PGLYRP3: variants seen among roughly 807,000 people sequenced by gnomAD.
PGLYRP3 encodes the protein peptidoglycan recognition protein I alpha.
Under a neutral mutation model 36.0 loss-of-function variants are expected in PGLYRP3, and 39 were observed. The ratio of observed to expected loss-of-function variants is 1.08; its 90% CI spans 0.84 to 1.41. The LOEUF is 1.41. Ranked by LOEUF, PGLYRP3 falls within the 40% of genes most tolerant of loss-of-function variation. The pLI, the probability that PGLYRP3 is intolerant of heterozygous loss-of-function variation, is 0.00. For synonymous variants in PGLYRP3, 204 were observed against 172.8 expected (o/e 1.18, Z -1.42); for missense variants, 407 against 427.9 (o/e 0.95, Z 0.43).
At chr1:153,299,409 G>A (rs1056067710) in intron 6 of PGLYRP3, among the ~76,000 whole-genome samples, 178 bp from the exon 7 acceptor site, 1 of 152,106 alleles carries the variant, frequency 6.6e-6, no homozygotes, top group Admixed American at 6.5e-5. Context: ...AAATACCACA[G>A]TCCACTTCAA....
intron 6 of PGLYRP3, among the ~76,000 whole-genome samples, chr1:153,300,251 T>A (rs1419104310): frequency 6.6e-6 from 1 of 152,098 alleles, no homozygotes; most frequent in African/African-American, 2.4e-5. Context: ...TCCTCCTTCT[T>A]TGCCTGAATA....
chr1:153,306,168 C>A (rs1375460530), intron 3 of PGLYRP3, among the ~76,000 whole-genome samples: 1 of 152,096 alleles, frequency 6.6e-6, no homozygotes, highest in Non-Finnish European at 1.5e-5. Context: ...AAACCAGGGC[C>A]TGCAGCTGCT....
At position 153,307,595 on chromosome 1, in the gene PGLYRP3, G is replaced by A. The variant is rs144977339; in HGVS notation, c.56-328C>T. Among the ~76,000 whole-genome samples the A allele has an allele frequency of 1.8e-3, 281 of 152,094 alleles. 9 individuals are homozygous for A. In the East Asian group the frequency reaches 0.042, roughly 23 times the overall value. ...TTCAGAAAGCACCCCAGCCAACCCCGCCGCCCACCCTGGGGCTCTGAGCTG... is the reference window on the plus strand; with the variant it reads ...TTCAGAAAGCACCCCAGCCAACCCCACCGCCCACCCTGGGGCTCTGAGCTG... On this transcript the variant is annotated intron_variant, in intron 2 of 7. Transcript: ENST00000683862.
intron 5 of PGLYRP3, among the ~76,000 whole-genome samples, chr1:153,303,145 C>T (rs1439274997): frequency 6.6e-6 from 1 of 152,080 alleles, no homozygotes; most frequent in African/African-American, 2.4e-5. Context: ...ATCATTGATC[C>T]CAAGAAAAGG....
rs1284975195 is a variant in PGLYRP3 at position 153,305,084 on chromosome 1, T to C, written c.258-19A>G. On this transcript the variant is annotated intron_variant, in intron 3 of 7. Transcript: ENST00000683862. ...CAGGAAGCTGACAAGAAGGAAATAATGATTTTACTGCAAATCTCCATAAAT... is the reference window on the plus strand; with the variant it reads ...CAGGAAGCTGACAAGAAGGAAATAACGATTTTACTGCAAATCTCCATAAAT... The C allele has an allele frequency of 6.3e-7, 1 of 1,587,626 alleles. No homozygotes were observed. The highest frequency in any genetic ancestry group is 8.6e-7 in the Non-Finnish European group (1 of 1,162,332).
In PGLYRP3 at chr1:153,307,239, C is replaced by T. The variant is rs1239979056; in HGVS notation, c.84G>A (p.Glu28=). The T allele has an allele frequency of 6.2e-7, 1 of 1,608,426 alleles. No individual in the cohort carries two copies. ...TGCAGGCGAGCGGTCTTGCCCCCCA[C>T]TCCTTGCGGGAGACGATGGTGGGAG... ...WDTPTIVSRK[E]WGARPLACRA... The change falls in exon 3 of 8, where the codon GAG becomes GAA. Residue 28 remains glutamate (E), a synonymous_variant. Coordinates refer to ENST00000683862, the MANE Select transcript of PGLYRP3 (RefSeq NM_052891.3).
At position 153,308,922 on chromosome 1, in the gene PGLYRP3, G is replaced by A. The variant is rs757539495; in HGVS notation, c.56-1655C>T. The stretch of plus-strand genomic sequence containing the variant: ...GCAGTGCCACCTTTCCTGGTTCACC[G>A]GCAGACCTACTAATCAAACCGTCGG... On this transcript the variant is annotated intron_variant, in intron 2 of 7. Transcript: ENST00000683862. Among the ~76,000 whole-genome samples the A allele has an allele frequency of 1.1e-3, 169 of 152,212 alleles. 2 individuals are homozygous for A. The highest frequency in any genetic ancestry group is 6.8e-3 in the Middle Eastern group (2 of 294).
At chr1:153,306,741 A>C (rs1255868814) in intron 3 of PGLYRP3, among the ~76,000 whole-genome samples, 1 of 152,202 alleles carries the variant, frequency 6.6e-6, no homozygotes, top group African/African-American at 2.4e-5. Context: ...GGGAGGGCCA[A>C]ATCGGGTGAT....
At chr1:153,305,185 A>C (rs1659710536) in intron 3 of PGLYRP3, 120 bp from the exon 4 acceptor site, 1 of 671,282 alleles carries the variant, frequency 1.5e-6, no homozygotes, top group South Asian at 2.3e-5. Context: ...CCAATAACAA[A>C]ACAATAGGAG....
In PGLYRP3 at chr1:153,299,041, C is replaced by G; in HGVS notation, c.847+72G>C. On this transcript the variant is annotated intron_variant, in intron 7 of 7. Transcript: ENST00000683862. ...CCAGGCACTACAGGGCTGCCTTTCC[C>G]GCCATGCTTCCCAGACATGCTGCAT... 4 of 1,302,410 alleles carry G rather than the reference C, an allele frequency of 3.1e-6. No individual in the cohort carries two copies. In the South Asian group the frequency reaches 4.8e-5, roughly 15 times the overall value. The allele number at this position is 1,302,410 out of a possible 1,614,324, so 80.7% of individuals were successfully genotyped here. A position where few individuals can be genotyped will look rare whatever the true frequency, so the allele number is the denominator to read the frequency against.
In PGLYRP3 at chr1:153,310,623, G is replaced by A. The variant is rs1320862998; in HGVS notation, c.43C>T (p.Leu15Phe). ...PWLLAFFILGLQAWDTPTIVS... is the reference protein window; with the variant it reads ...PWLLAFFILGFQAWDTPTIVS... ...AAATAAAACTTACCCCAAGCCTGGA[G>A]ACCCAGAATGAAGAAGGCAAGAAGC... Residue 15 changes from leucine to phenylalanine, a missense_variant, in exon 2 of 8, where the codon CTC (leucine) becomes TTC (phenylalanine). By Grantham distance (22) the Leu-to-Phe change is conservative. Coordinates refer to ENST00000683862, the MANE Select transcript of PGLYRP3 (RefSeq NM_052891.3). The A allele has an allele frequency of 4.3e-6, 7 of 1,614,136 alleles. No individual in the cohort carries two copies. Among genetic ancestry groups the A allele is most frequent in the Non-Finnish European group, 5.9e-6 (7 of 1,179,994 alleles).
At chr1:153,298,865 C>A (rs1485457520) in intron 7 of PGLYRP3, among the ~76,000 whole-genome samples, 1 of 152,130 alleles carries the variant, frequency 6.6e-6, no homozygotes, top group Non-Finnish European at 1.5e-5. Context: ...ACGTTTCCCC[C>A]CTTGCTCCAT....
chr1:153,298,060 T>C lies in PGLYRP3; in HGVS notation c.922A>G (p.Thr308Ala). 1 of 1,613,860 alleles carries C rather than the reference T, an allele frequency of 6.2e-7. No homozygotes were observed. Among genetic ancestry groups the C allele is most frequent in the Non-Finnish European group, 8.5e-7 (1 of 1,179,948 alleles). Residue 308 changes from threonine (T) to alanine (A), a missense_variant, in exon 8 of 8, where the codon ACT becomes GCT. Thr to Ala is a moderately conservative substitution (Grantham distance 58, BLOSUM62 0). Coordinates refer to ENST00000683862, the MANE Select transcript of PGLYRP3 (RefSeq NM_052891.3). ...TGGCCCATCAGCAGGTAGTTTGGAG[T>C]CAGGTACCCCTCAACCACGGCACAC... ...IQCAVVEGYL[T>A]PNYLLMGHSD...
In PGLYRP3 at chr1:153,302,515, GGAT is replaced by G; in HGVS notation, c.619_621del (p.Ile207del). The G allele has an allele frequency of 1.2e-6, 2 of 1,614,202 alleles. No homozygotes were observed. Among genetic ancestry groups the G allele is most frequent in the Non-Finnish European group, 8.5e-7 (1 of 1,180,012 alleles). The stretch of plus-strand genomic sequence containing the variant: ...ACAGTGCAGCTTGTGCCAGCGGTGT[GGAT>G]GATGATGACATATTTGGCTGGGAGG... On this transcript the variant is annotated inframe_deletion, in exon 6 of 8. Coordinates refer to ENST00000683862, the MANE Select transcript of PGLYRP3 (RefSeq NM_052891.3).
rs556170676 is a variant in PGLYRP3, at chr1:153,312,693, G to C, written c.-92C>G. Among the ~76,000 whole-genome samples the C allele has an allele frequency of 1.3e-5, 2 of 152,034 alleles. No homozygotes were observed. The highest frequency in any genetic ancestry group is 2.1e-4 in the South Asian group (1 of 4,814). ...CAGCAGGTCAGGGTGCAGTCGGCTC[G>C]CCCCTGATTGGCCAGCAGCTCCTTC... On this transcript the variant is annotated 5_prime_UTR_variant, in exon 1 of 8. Transcript: ENST00000683862.
intron 1 of PGLYRP3, among the ~76,000 whole-genome samples, 172 bp from the exon 2 acceptor site, chr1:153,310,878 G>A (rs542532489): frequency 6.6e-5 from 10 of 152,222 alleles, no homozygotes; most frequent in African/African-American, 2.4e-4. Flanking sequence ...CAATAAATGT[G>A]AGGGCACTAA....
At chr1:153,302,664 A>G in intron 5 of PGLYRP3, 57 bp from the exon 6 acceptor site, 2 of 1,524,904 alleles carry the variant, frequency 1.3e-6, no homozygotes, top group Admixed American at 3.4e-5. Context: ...TCTGTGAGCA[A>G]TCACTCAACT....
chr1:153,299,540 C>T (rs1416246543), intron 6 of PGLYRP3, among the ~76,000 whole-genome samples: 1 of 152,118 alleles, frequency 6.6e-6, no homozygotes, highest in East Asian at 1.9e-4. Flanking sequence ...CTGTTGACCA[C>T]TCTCTTAAAA....
At chr1:153,308,545 G>C (rs552880281) in intron 2 of PGLYRP3, among the ~76,000 whole-genome samples, 1 of 152,322 alleles carries the variant, frequency 6.6e-6, no homozygotes, top group African/African-American at 2.4e-5. Flanking sequence ...GTGAGATGCT[G>C]ACAAACAGGT....
Sources: gnomAD v4.1 joint callset for allele counts (sites outside exome capture counted in the v4.1 genomes callset) on GRCh38, gnomAD v4.1.1 for gene constraint, MANE v1.5 for transcripts, NCBI Gene and HGNC (gene_info 2026-07-23, HGNC 2026-07-21) for gene names.